Variants in SBF2 observed in about 807,000 individuals in gnomAD.
The protein encoded by SBF2 is SET binding factor 2, also known as myotubularin-related protein 13.
Under a neutral mutation model 225.2 loss-of-function variants are expected in SBF2, and 112 were observed. The observed-to-expected ratio is 0.50, with a 90% CI of 0.43 to 0.58. The LOEUF is 0.58. SBF2 is among the 20% of genes least tolerant of loss of function. SBF2 has a pLI of 0.00. For missense variants in SBF2, 1,996 were observed against 2,206.2 expected (o/e 0.90, Z 1.91); for synonymous variants, 763 against 773.3 (o/e 0.99, Z 0.22).
intron 16 of SBF2, chr11:9,956,822 A>T (rs1866204412): frequency 6.6e-6 from 1 of 152,202 alleles, no homozygotes; most frequent in South Asian, 2.1e-4. Flanking sequence ...ACTGCTCAGT[A>T]GTCTTAACAA....
At chr11:9,855,402 A>G (rs1409616408) in intron 19 of SBF2, among the ~76,000 whole-genome samples, 1 of 152,208 alleles carries the variant, frequency 6.6e-6, no homozygotes, top group Non-Finnish European at 1.5e-5. Flanking sequence ...CAGAGTAAGA[A>G]GAGCTTGGAA....
intron 2 of SBF2, among the ~76,000 whole-genome samples, chr11:10,055,571 A>G (rs1266672703): frequency 7.5e-6 from 1 of 133,228 alleles, no homozygotes; most frequent in Non-Finnish European, 1.6e-5. Flanking sequence ...ACACACACAC[A>G]CCATGGAATA....
chr11:9,863,566 G>A lies in SBF2; in HGVS notation c.1930-5170C>T, dbSNP rs1857938120. On this transcript the variant is annotated intron_variant, in intron 17 of 39. Coordinates refer to ENST00000256190, the MANE Select transcript of SBF2 (RefSeq NM_030962.4). ...CAAGTCCTCCTGTGATTCTGCTCTG[G>A]CCTGACCAAGTCCAGATATTAAATC... is the stretch of plus-strand genomic sequence containing the variant. Among the ~76,000 whole-genome samples the A allele has an allele frequency of 2.6e-5, 4 of 152,118 alleles. No homozygotes were observed. The South Asian group carries it at 8.3e-4, about 32-fold the overall frequency.
chr11:10,163,364 G>A (rs1955832729), intron 2 of SBF2, among the ~76,000 whole-genome samples: 1 of 152,084 alleles, frequency 6.6e-6, no homozygotes, highest in African/African-American at 2.4e-5. Context: ...GGGCAAAGGT[G>A]GCCAAGTAAG....
intron 1 of SBF2, among the ~76,000 whole-genome samples, chr11:10,205,049 A>G (rs2135365954): frequency 6.6e-6 from 1 of 152,056 alleles, no homozygotes; most frequent in East Asian, 1.9e-4. Flanking sequence ...AGGGTAAAAT[A>G]GCTAATGCTT....
chr11:10,112,928 T>C (rs1287657101), intron 2 of SBF2, among the ~76,000 whole-genome samples: 1 of 152,224 alleles, frequency 6.6e-6, no homozygotes, highest in African/African-American at 2.4e-5. Context: ...CTCTCCTGAA[T>C]TATTTCTAAA....
chr11:10,119,287 C>T lies in SBF2; in HGVS notation c.141+74615G>A, dbSNP rs534113774. Among the ~76,000 whole-genome samples the T allele has an allele frequency of 2.9e-3, 446 of 152,066 alleles. 1 individual carries two copies. The highest frequency in any genetic ancestry group is 0.01 in the African/African-American group (431 of 41,496). On this transcript the variant is annotated intron_variant, in intron 2 of 39. Coordinates refer to ENST00000256190, the MANE Select transcript of SBF2 (RefSeq NM_030962.4). ...TGTTTTTCCCATGGACTATATTTAC[C>T]ATTTATGATTCTCATGAGTAAATAC...
chr11:9,927,827 C>T lies in SBF2; in HGVS notation c.1861-31816G>A, dbSNP rs1343490150. Among the ~76,000 whole-genome samples the T allele has an allele frequency of 2.0e-5, 3 of 152,280 alleles. No individual in the cohort carries two copies. In the East Asian group the frequency reaches 5.8e-4, roughly 29 times the overall value. On this transcript the variant is annotated intron_variant, in intron 16 of 39. Coordinates refer to ENST00000256190, the MANE Select transcript of SBF2 (RefSeq NM_030962.4). ...AAAAACCCTACAGCTAATGTCTGCACTTAAATCTATACTATTTTTCACAAA... is the reference window on the plus strand; with the variant it reads ...AAAAACCCTACAGCTAATGTCTGCATTTAAATCTATACTATTTTTCACAAA...
intron 1 of SBF2, among the ~76,000 whole-genome samples, chr11:10,214,838 A>T (rs1958069896): frequency 1.3e-5 from 2 of 152,196 alleles, no homozygotes; most frequent in African/African-American, 4.8e-5. Context: ...ACATCTATTT[A>T]ATGGTCCAGG....
intron 3 of SBF2, 116 bp from the exon 4 acceptor site, chr11:10,031,286 T>A: frequency 1.0e-6 from 1 of 999,652 alleles, no homozygotes; most frequent in Non-Finnish European, 1.4e-6. Flanking sequence ...AATTATAATA[T>A]AATTTTAAAA....
At chr11:9,828,710 AGGCTGCAGATATTTT>A (rs1855207618) in intron 28 of SBF2, 1 of 849,380 alleles carries the variant, frequency 1.2e-6, no homozygotes, top group Admixed American at 6.2e-5. Context: ...AAATCATAAT[AGGCTGCAGATATTTT>A]GGGAATTTCA....
Position 9,864,056 on chromosome 11 carries a change from CAGTT to C in SBF2, c.1930-5664_1930-5661del, listed in dbSNP as rs547264618. On this transcript the variant is annotated intron_variant, in intron 17 of 39. Coordinates refer to ENST00000256190, the MANE Select transcript of SBF2 (RefSeq NM_030962.4). Reference sequence around the variant, plus strand: ...AACTGGCTTATGTAAACATACAACTCAGTTAGCAGGAGCAGAAAGAGAATGGCCT... The same window carrying C: ...AACTGGCTTATGTAAACATACAACTCAGCAGGAGCAGAAAGAGAATGGCCT... Among the ~76,000 whole-genome samples, 136 of 152,250 alleles carry C rather than the reference CAGTT, an allele frequency of 8.9e-4. 1 individual carries two copies. Among genetic ancestry groups the C allele is most frequent in the African/African-American group, 2.9e-3 (122 of 41,528 alleles).
At chr11:9,847,676 G>A (rs963738410) in intron 22 of SBF2, among the ~76,000 whole-genome samples, 1 of 152,094 alleles carries the variant, frequency 6.6e-6, no homozygotes, top group Non-Finnish European at 1.5e-5. Context: ...CTGGACTTAA[G>A]CGCAAGACTT....
chr11:10,006,880 G>C lies in SBF2; in HGVS notation c.620-4191C>G, dbSNP rs144868896. Among the ~76,000 whole-genome samples the C allele has an allele frequency of 5.3e-5, 8 of 152,290 alleles. 1 individual carries two copies. The East Asian group carries it at 1.5e-3, about 29-fold the overall frequency. On this transcript the variant is annotated intron_variant, in intron 6 of 39. Coordinates refer to ENST00000256190, the MANE Select transcript of SBF2 (RefSeq NM_030962.4). Reference sequence around the variant, plus strand: ...GTCTAGTTAGAGAACAAAGGAAATGGGAATCTGAGAAAAGGGATAATCATT... The same window carrying C: ...GTCTAGTTAGAGAACAAAGGAAATGCGAATCTGAGAAAAGGGATAATCATT...
chr11:10,067,359 TTGTG>T (rs1565192274), intron 2 of SBF2, among the ~76,000 whole-genome samples: 1 of 152,090 alleles, frequency 6.6e-6, no homozygotes, highest in African/African-American at 2.4e-5. Flanking sequence ...GGTTTTTTGG[TTGTG>T]TGTTTGTTTT....
intron 3 of SBF2, among the ~76,000 whole-genome samples, chr11:10,031,926 G>C (rs904351793): frequency 1.3e-5 from 2 of 152,032 alleles, no homozygotes; most frequent in Admixed American, 1.3e-4. Flanking sequence ...GTTTTTTGTA[G>C]AGGCAGGGTC....
intron 1 of SBF2, among the ~76,000 whole-genome samples, chr11:10,254,525 T>C (rs1244008468): frequency 1.3e-5 from 2 of 151,432 alleles, no homozygotes; most frequent in Admixed American, 6.6e-5. Flanking sequence ...GTCAAAGATA[T>C]GGAATCAACT....
At chr11:9,914,017 C>G (rs766994664) in intron 16 of SBF2, among the ~76,000 whole-genome samples, 4 of 152,162 alleles carry the variant, frequency 2.6e-5, no homozygotes, top group Non-Finnish European at 4.4e-5. Flanking sequence ...ATAGCAGTTC[C>G]TTTTACATAG....
At chr11:9,898,631 A>G (rs1290831303) in intron 16 of SBF2, among the ~76,000 whole-genome samples, 2 of 152,096 alleles carry the variant, frequency 1.3e-5, no homozygotes, top group African/African-American at 4.8e-5. Flanking sequence ...AGATGGTGCC[A>G]TTGCACTCCA....
Sources: gnomAD v4.1 joint callset for allele counts (sites outside exome capture counted in the v4.1 genomes callset) on GRCh38, gnomAD v4.1.1 for gene constraint, MANE v1.5 for transcripts, NCBI Gene and HGNC (gene_info 2026-07-23, HGNC 2026-07-21) for gene names.